The following RBSN variants were observed in gnomAD, a reference collection of about 807,000 sequenced individuals.
RBSN encodes the protein rabenosyn, RAB effector, also known as rabenosyn-5.
A neutral mutation model predicts 60.5 loss-of-function variants in RBSN; 34 were observed. The observed-to-expected ratio is 0.56, with a 90% CI of 0.43 to 0.75. The LOEUF (loss-of-function observed/expected upper bound fraction) is 0.75. Ranked by LOEUF, RBSN falls within the 30% of genes least tolerant of loss-of-function variation. RBSN has a pLI of 0.00. For synonymous variants in RBSN, 322 were observed against 366.9 expected, an observed-to-expected ratio of 0.88 and a Z score of 1.40; for missense variants, 845 against 986.8, an observed-to-expected ratio of 0.86 and a Z score of 1.92.
At chr3:15,091,210 C>CAAAAAAAAAAAAAAAAAAAAAAAAAAA (rs55655564) in intron 4 of RBSN, 1 of 112,764 alleles carries the variant, frequency 8.9e-6, no homozygotes, top group Non-Finnish European at 1.2e-5. Flanking sequence ...GACCCTGTCT[C>CAAAAAAAAAAAAAAAAAAAAAAAAAAA]AAAAAAAAAA....
In RBSN at chr3:15,085,789, T is replaced by C. The variant is rs2043322822; in HGVS notation, c.390+72A>G. 14 of 1,260,778 alleles carry C rather than the reference T, an allele frequency of 1.1e-5. 1 individual carries two copies. Among genetic ancestry groups the C allele is most frequent in the South Asian group, 7.2e-5 (6 of 82,778 alleles). The allele number at this position is 1,260,778 out of a possible 1,614,324, so 78.1% of individuals were successfully genotyped here. ...TATATGATATATACAACACAGGCTA[T>C]AGAAATGTGATTATTTTTCCCCAGA... On this transcript the variant is annotated intron_variant, in intron 6 of 13. Coordinates refer to ENST00000253699, the MANE Select transcript of RBSN (RefSeq NM_022340.4).
chr3:15,093,874 A>C (rs551436942), intron 4 of RBSN, among the ~76,000 whole-genome samples: 310 of 151,680 alleles, frequency 2.0e-3, no homozygotes, highest in African/African-American at 7.2e-3. Flanking sequence ...GCTAATTAAA[A>C]AAAATTTTTT....
In RBSN at chr3:15,075,101, G is replaced by T. The variant is rs2043021821; in HGVS notation, c.1207-171C>A. On this transcript the variant is annotated intron_variant, in intron 13 of 13. Transcript: ENST00000253699. ...TCAAGTCATGTTTTTGTGTATATGT[G>T]GGCGGAAGGGAGACCCTGATTTTCA... 3 of 772,400 alleles carry T rather than the reference G, an allele frequency of 3.9e-6. No individual in the cohort carries two copies. The South Asian group carries it at 5.7e-5, about 15-fold the overall frequency. The allele number at this position is 772,400 out of a possible 1,614,324, so 47.8% of individuals were successfully genotyped here. A position where few individuals can be genotyped will look rare whatever the true frequency, so the allele number is the denominator to read the frequency against.
Position 15,077,332 on chromosome 3 carries a change from TGGCTGTACACA to T in RBSN, c.999-179_999-169del, listed in dbSNP as rs1294750886. Among the ~76,000 whole-genome samples the T allele has an allele frequency of 1.3e-5, 2 of 152,078 alleles. No individual in the cohort carries two copies. The highest frequency in any genetic ancestry group is 2.4e-5 in the African/African-American group (1 of 41,438). On this transcript the variant is annotated intron_variant, in intron 11 of 13. Coordinates refer to ENST00000253699, the MANE Select transcript of RBSN (RefSeq NM_022340.4). The surrounding 1 kb of genome is among the most constrained non-coding windows in gnomAD (Gnocchi z 4.4). ...AAGGCAAAGCCCATTTCTTACCCTT[TGGCTGTACACA>T]GGCCTTAGCAAAGGGCGCACAACAC...
rs1322258618 is a variant in RBSN, at chr3:15,072,983, G to T, written c.*799C>A. 1 of 152,350 alleles carries T rather than the reference G, an allele frequency of 6.6e-6. No individual in the cohort carries two copies. Among genetic ancestry groups the T allele is most frequent in the South Asian group, 2.1e-4 (1 of 4,826 alleles). The allele number at this position is 152,350 out of a possible 1,614,324, so 9.4% of individuals were successfully genotyped here. Reference sequence around the variant, plus strand: ...CTGCCTCGGCCTCCCAAAGTGTTGCGATTACAGGCGTGAGCCAGCGCGCCC... The same window carrying T: ...CTGCCTCGGCCTCCCAAAGTGTTGCTATTACAGGCGTGAGCCAGCGCGCCC... On this transcript the variant is annotated 3_prime_UTR_variant, in exon 14 of 14. Coordinates refer to ENST00000253699, the MANE Select transcript of RBSN (RefSeq NM_022340.4).
chr3:15,084,650 G>A lies in RBSN; in HGVS notation c.598+85C>T. 1.4e-6 allele frequency: 2 copies of A among 1,465,424 alleles called. No individual in the cohort carries two copies. The highest frequency in any genetic ancestry group is 1.8e-6 in the Non-Finnish European group (2 of 1,092,040). 90.8% of individuals were successfully genotyped at this position (1,465,424 alleles called of 1,614,324 possible). ...CCATGAGCCATTAATTTAACAAAAA[G>A]GTTCCACGATCCCAGTGGTAATTAG... is the stretch of plus-strand genomic sequence containing the variant. On this transcript the variant is annotated intron_variant, in intron 8 of 13. Coordinates refer to ENST00000253699, the MANE Select transcript of RBSN (RefSeq NM_022340.4). This position sits in a 1 kb window ranked among gnomAD's most constrained non-coding sequence, Gnocchi z 4.2.
intron 8 of RBSN, among the ~76,000 whole-genome samples, chr3:15,083,223 T>C (rs1374050966): frequency 6.6e-6 from 1 of 152,246 alleles, no homozygotes; most frequent in East Asian, 1.9e-4. Context: ...GGGTGAATAG[T>C]GTCCCAAAAA....
chr3:15,078,995 A>G (rs987846445), intron 10 of RBSN, among the ~76,000 whole-genome samples: 1 of 151,896 alleles, frequency 6.6e-6, no homozygotes, highest in Non-Finnish European at 1.5e-5. Flanking sequence ...CTTTTCCTAC[A>G]GGTTGGGAAA....
At chr3:15,089,866 G>A (rs937727314) in intron 5 of RBSN, among the ~76,000 whole-genome samples, 1 of 152,142 alleles carries the variant, frequency 6.6e-6, no homozygotes, top group Non-Finnish European at 1.5e-5. Flanking sequence ...CCAAAGTGCT[G>A]GGATTACAGG....
At chr3:15,091,403 C>A in intron 4 of RBSN, 1 of 1,238,440 alleles carries the variant, frequency 8.1e-7, no homozygotes, top group Admixed American at 2.6e-5. Context: ...CTTAACTGGA[C>A]ACAGAGTTCT....
In RBSN at chr3:15,074,356, G is replaced by A; in HGVS notation, c.1781C>T (p.Thr594Ile). Reference protein sequence around the residue: ...TAPKTPSLSSTQPTRVWSGPP... With the variant: ...TAPKTPSLSSIQPTRVWSGPP... ...CCCAGACCACACTCTGGTGGGTTGA[G>A]TTGAGCTAAGTGAAGGGGTCTTGGG... The change falls in exon 14 of 14, where the codon ACT (threonine) becomes ATT (isoleucine). Residue 594 changes from threonine (T) to isoleucine (I), a missense_variant. Thr to Ile is a moderately conservative substitution (Grantham distance 89). Transcript: ENST00000253699. The surrounding 1 kb of genome is among the most constrained non-coding windows in gnomAD (Gnocchi z 6.4). 1 of 1,614,168 alleles carries A rather than the reference G, an allele frequency of 6.2e-7. No individual in the cohort carries two copies. The highest frequency in any genetic ancestry group is 1.3e-5 in the African/African-American group (1 of 75,040).
chr3:15,075,523 G>A (rs1034389561), intron 13 of RBSN, 83 bp downstream of exon 13: 46 of 1,090,828 alleles, frequency 4.2e-5, no homozygotes, highest in African/African-American at 9.3e-5. Context: ...CACTACAACC[G>A]CACACAACCT....
chr3:15,076,527 C>T (rs992104801), intron 12 of RBSN, among the ~76,000 whole-genome samples: 1 of 152,058 alleles, frequency 6.6e-6, no homozygotes, highest in African/African-American at 2.4e-5. Flanking sequence ...GAGTGGTTAA[C>T]TGTGACTCTC....
At chr3:15,086,882 C>G (rs1374439877) in intron 5 of RBSN, among the ~76,000 whole-genome samples, 1 of 152,182 alleles carries the variant, frequency 6.6e-6, no homozygotes, top group African/African-American at 2.4e-5. Context: ...TCTGAGTAAC[C>G]TGAAATATCC....
rs556108603 is a variant in RBSN at position 15,099,055 on chromosome 3, A to G, written c.-521T>C. On this transcript the variant is annotated 5_prime_UTR_variant, in exon 1 of 14. Coordinates refer to ENST00000253699, the MANE Select transcript of RBSN (RefSeq NM_022340.4). ...TGTACCCTGCCGGGCTCCTGCGGGC[A>G]CCCAGGTTTGTCCCCCCCTTCAGGC... 6.6e-6 allele frequency: 1 copy of G among 152,256 alleles called. No homozygotes were observed. Among genetic ancestry groups the G allele is most frequent in the Non-Finnish European group, 1.5e-5 (1 of 68,120 alleles). The allele number at this position is 152,256 out of a possible 1,614,324, so 9.4% of individuals were successfully genotyped here. A position where few individuals can be genotyped will look rare whatever the true frequency, so the allele number is the denominator to read the frequency against.
rs2043073244 is a variant in RBSN at position 15,077,116 on chromosome 3, T to C, written c.1047A>G (p.Pro349=). ...TCATTCTCTGCAGCCGCAAATTGCTTGGATGTGGTGGAGGGTCCTGGTTCA... is the reference window on the plus strand; with the variant it reads ...TCATTCTCTGCAGCCGCAAATTGCTCGGATGTGGTGGAGGGTCCTGGTTCA... ...LGLNQDPPPH[P]SNLRLQRMIR... Residue 349 remains proline, a synonymous_variant, in exon 12 of 14, where the codon CCA becomes CCG. Coordinates refer to ENST00000253699, the MANE Select transcript of RBSN (RefSeq NM_022340.4). The surrounding 1 kb of genome is among the most constrained non-coding windows in gnomAD (Gnocchi z 4.4). 6.2e-7 allele frequency: 1 copy of C among 1,614,100 alleles called. No homozygotes were observed. Among genetic ancestry groups the C allele is most frequent in the East Asian group, 2.2e-5 (1 of 44,876 alleles).
At chr3:15,097,071 G>A (rs2043679671) in intron 2 of RBSN, among the ~76,000 whole-genome samples, 1 of 151,922 alleles carries the variant, frequency 6.6e-6, no homozygotes, top group Non-Finnish European at 1.5e-5. Flanking sequence ...TGTTTCCCAG[G>A]CAGGTCTCTA....
Position 15,071,214 on chromosome 3 carries a change from G to C in RBSN, c.*2568C>G, listed in dbSNP as rs1439499357. 2 of 152,244 alleles carry C rather than the reference G, an allele frequency of 1.3e-5. No homozygotes were observed. The highest frequency in any genetic ancestry group is 2.9e-5 in the Non-Finnish European group (2 of 68,040). The allele number at this position is 152,244 out of a possible 1,614,324, so 9.4% of individuals were successfully genotyped here. On this transcript the variant is annotated 3_prime_UTR_variant, in exon 14 of 14. Transcript: ENST00000253699. Reference sequence around the variant, plus strand: ...GATTGCTACCTGAGGTGATTTGAGGGAAGGGTATGTTTAGTGAATTAGTCT... The same window carrying C: ...GATTGCTACCTGAGGTGATTTGAGGCAAGGGTATGTTTAGTGAATTAGTCT...
intron 6 of RBSN, 152 bp from the exon 7 acceptor site, chr3:15,085,197 A>C: frequency 4.4e-6 from 4 of 917,314 alleles, no homozygotes; most frequent in Non-Finnish European, 6.7e-6. Context: ...AAACAATTTC[A>C]CATGGGACAG....
Sources: allele counts gnomAD v4.1 joint callset (sites outside exome capture counted in the v4.1 genomes callset), GRCh38; gene constraint gnomAD v4.1.1; non-coding constraint Gnocchi (gnomAD v3.1); transcripts MANE v1.5; gene names NCBI Gene and HGNC (gene_info 2026-07-23, HGNC 2026-07-21).